Variants in SPG11 observed in about 807,000 individuals in gnomAD.
The protein encoded by SPG11 is SPG11 vesicle trafficking associated, spatacsin.
In SPG11, 222 loss-of-function variants were observed where a neutral mutation model predicts 274.0. The observed-to-expected ratio is 0.81, with a 90% CI of 0.73 to 0.91. The LOEUF (loss-of-function observed/expected upper bound fraction) is 0.91. Among genes scored for constraint, SPG11 ranks in the 40% least tolerant of loss-of-function variants. SPG11 has a pLI of 0.00. For synonymous variants in SPG11, 1,144 were observed against 1,039.7 expected (o/e 1.10, Z -1.93); for missense variants, 3,114 against 2,872.7 (o/e 1.08, Z -1.92).
intron 36 of SPG11, 22 bp downstream of exon 36, chr15:44,567,402 G>C (rs779557169): frequency 1.3e-6 from 2 of 1,596,538 alleles, no homozygotes; most frequent in Admixed American, 1.7e-5. Context: ...TGTTCTGGTA[G>C]TGTGGCTGTG....
intron 16 of SPG11, among the ~76,000 whole-genome samples, chr15:44,614,957 G>C (rs1215824948): frequency 1.3e-5 from 2 of 152,124 alleles, no homozygotes; most frequent in Non-Finnish European, 2.9e-5. Flanking sequence ...ATAAATTTTA[G>C]AGCATATCTA....
chr15:44,579,764 G>C (rs931738308), intron 30 of SPG11, among the ~76,000 whole-genome samples: 1 of 152,118 alleles, frequency 6.6e-6, no homozygotes, highest in African/African-American at 2.4e-5. Flanking sequence ...TTTTAGAACT[G>C]AAAAATGCAG....
chr15:44,607,130 T>G (rs1467815033), intron 19 of SPG11, among the ~76,000 whole-genome samples: 1 of 152,216 alleles, frequency 6.6e-6, no homozygotes, highest in Non-Finnish European at 1.5e-5. Context: ...AACAGTGTAC[T>G]TAGGGACACA....
At chr15:44,565,151 T>TA (rs1182490318) in intron 38 of SPG11, among the ~76,000 whole-genome samples, 1 of 152,200 alleles carries the variant, frequency 6.6e-6, no homozygotes, top group Non-Finnish European at 1.5e-5. Context: ...TCCACTTCTT[T>TA]AAAGGGCTAG....
At position 44,651,622 on chromosome 15, in the gene SPG11, T is replaced by A; in HGVS notation, c.1325A>T (p.Glu442Val). The A allele has an allele frequency of 6.2e-7, 1 of 1,614,184 alleles. No individual in the cohort carries two copies. Among genetic ancestry groups the A allele is most frequent in the Non-Finnish European group, 8.5e-7 (1 of 1,180,028 alleles). ...AATGGTATAGCCCATCCTTTCCACT[T>A]CCCAAGTAAACAGTGCAGTGAATCC... Reference protein sequence around the residue: ...VTGFTALFTWEVERMGYTITL... With the variant: ...VTGFTALFTWVVERMGYTITL... Residue 442 changes from glutamate (E) to valine (V), a missense_variant, in exon 6 of 40, where the codon GAA becomes GTA. By Grantham distance (121) the Glu-to-Val change is moderately radical. Transcript: ENST00000261866.
intron 8 of SPG11, 107 bp from the exon 9 acceptor site, chr15:44,629,495 C>G: frequency 1.6e-6 from 2 of 1,243,586 alleles, no homozygotes; most frequent in Non-Finnish European, 2.3e-6. Flanking sequence ...AAAACAAGGA[C>G]CAATGTCTTA....
chr15:44,568,256 A>G (rs937165178), intron 35 of SPG11, among the ~76,000 whole-genome samples: 1 of 152,216 alleles, frequency 6.6e-6, no homozygotes, highest in Non-Finnish European at 1.5e-5. Flanking sequence ...TAATCAGGAA[A>G]AAGTTATTAA....
chr15:44,616,418 G>C (rs1247434731), intron 15 of SPG11, among the ~76,000 whole-genome samples: 5 of 152,042 alleles, frequency 3.3e-5, no homozygotes, highest in East Asian at 1.9e-4. Flanking sequence ...GGCTGGTCTT[G>C]AACTCCTGGA....
intron 21 of SPG11, among the ~76,000 whole-genome samples, chr15:44,599,532 T>TCA (rs1267139333): frequency 6.6e-6 from 1 of 152,090 alleles, no homozygotes; most frequent in African/African-American, 2.4e-5. Flanking sequence ...ACTCCTGAGG[T>TCA]TGTGATCCGC....
intron 17 of SPG11, among the ~76,000 whole-genome samples, chr15:44,611,809 CTTTTTTTTTTT>C (rs71111871): frequency 8.4e-6 from 1 of 119,516 alleles, no homozygotes; most frequent in Non-Finnish European, 1.6e-5. Flanking sequence ...TGGTCACTGT[CTTTTTTTTTTT>C]TTTTTTTTGA....
chr15:44,659,147 A>G lies in SPG11; in HGVS notation c.599T>C (p.Val200Ala), dbSNP rs553484553. The change falls in exon 3 of 40, where the codon GTG becomes GCG. Residue 200 changes from valine to alanine, a missense_variant. Coordinates refer to ENST00000261866, the MANE Select transcript of SPG11 (RefSeq NM_025137.4). ...CFTLPLPAQA[V>A]DMIIDTQLCR... The stretch of plus-strand genomic sequence containing the variant: ...GAGCTGCGTGTCAATAATCATGTCC[A>G]CTGCCTGTGCAGGCAAGGGAAGTGT... 7 of 1,614,228 alleles carry G rather than the reference A, an allele frequency of 4.3e-6. No homozygotes were observed. Among genetic ancestry groups the G allele is most frequent in the East Asian group, 2.2e-5 (1 of 44,878 alleles).
chr15:44,647,979 T>G (rs923288565), intron 7 of SPG11, among the ~76,000 whole-genome samples: 4 of 152,204 alleles, frequency 2.6e-5, no homozygotes, highest in Non-Finnish European at 4.4e-5. Flanking sequence ...ACTGTGAGTA[T>G]AGCAGAAGGT....
intron 2 of SPG11, among the ~76,000 whole-genome samples, chr15:44,659,596 T>C (rs2085044008): frequency 6.6e-6 from 1 of 152,156 alleles, no homozygotes; most frequent in Non-Finnish European, 1.5e-5. Context: ...AGAAGACTTT[T>C]TCTTTTTTTA....
chr15:44,622,778 AT>A lies in SPG11; in HGVS notation c.2265del (p.Gln755HisfsTer22), dbSNP rs1215058780. The A allele has an allele frequency of 1.2e-6, 2 of 1,613,860 alleles. No homozygotes were observed. Among genetic ancestry groups the A allele is most frequent in the Admixed American group, 1.7e-5 (1 of 60,024 alleles). The part of the protein sequence containing the change: ...LKNMGFDVKG[Q>X]LLKICFYTTN... ...GTTGTATAGAAGCAGATCTTGAGCA[AT>A]TGGCCTTTTACATCAAACCCCTAAA... On this transcript the variant is annotated frameshift_variant, in exon 12 of 40. Transcript: ENST00000261866. LOFTEE classifies it high-confidence loss of function.
intron 1 of SPG11, among the ~76,000 whole-genome samples, chr15:44,661,259 T>A: frequency 6.6e-6 from 1 of 152,222 alleles, no homozygotes; most frequent in East Asian, 1.9e-4. Flanking sequence ...AGTTACGGAA[T>A]TCTTAAACTG....
chr15:44,608,610 G>GT lies in SPG11; in HGVS notation c.3292-6dup, dbSNP rs777377848. 2.5e-6 allele frequency: 4 copies of GT among 1,613,286 alleles called. No individual in the cohort carries two copies. In the South Asian group the frequency reaches 4.4e-5, roughly 18 times the overall value. ...ATTTTCTTCATTCTGAACAACCTAA[G>GT]TAAAAAAACAGATAACAGGTTGGAC... On this transcript the variant is annotated splice_polypyrimidine_tract_variant and splice_region_variant and intron_variant, in intron 18 of 39. Coordinates refer to ENST00000261866, the MANE Select transcript of SPG11 (RefSeq NM_025137.4).
chr15:44,625,821 AGGCGCCCGCCACCACACCCG>A (rs1286018325), intron 11 of SPG11, among the ~76,000 whole-genome samples: 2 of 152,146 alleles, frequency 1.3e-5, no homozygotes, highest in Non-Finnish European at 2.9e-5. Context: ...ATGGGATTAC[AGGCGCCCGCCACCACACCCG>A]GCTTATTTTT....
intron 7 of SPG11, among the ~76,000 whole-genome samples, chr15:44,635,981 C>G (rs2141063448): frequency 6.6e-6 from 1 of 151,934 alleles, no homozygotes; most frequent in South Asian, 2.1e-4. Flanking sequence ...TAAGAATCAC[C>G]TGGAGAATTT....
Position 44,564,531 on chromosome 15 carries a change from AACTTTTAATACTT to A in SPG11, c.7151+3_7151+15del. ...GAGGCAAGGAGCAATGTTTACAGTC[AACTTTTAATACTT>A]ACTTTTTGGAAATCTCTTCAAATAT... On this transcript the variant is annotated splice_donor_5th_base_variant and intron_variant, in intron 39 of 39. Coordinates refer to ENST00000261866, the MANE Select transcript of SPG11 (RefSeq NM_025137.4). 6.2e-7 allele frequency: 1 copy of A among 1,612,840 alleles called. No homozygotes were observed. The highest frequency in any genetic ancestry group is 8.5e-7 in the Non-Finnish European group (1 of 1,179,698).
Sources: allele counts gnomAD v4.1 joint callset (sites outside exome capture counted in the v4.1 genomes callset), GRCh38; gene constraint gnomAD v4.1.1; transcripts MANE v1.5; gene names NCBI Gene and HGNC (gene_info 2026-07-23, HGNC 2026-07-21).